The following SATB2 variants were observed in gnomAD, a reference collection of about 807,000 sequenced individuals.
SATB2 encodes the protein SATB homeobox 2, also known as DNA-binding protein SATB2.
In SATB2, 1 loss-of-function variant was observed where a neutral mutation model predicts 73.4. The ratio of observed to expected loss-of-function variants is 0.01; its 90% CI spans 0.00 to 0.06. SATB2 has a LOEUF of 0.06. Among genes scored for constraint, SATB2 ranks in the 10% least tolerant of loss-of-function variants. The probability of loss-of-function intolerance (pLI) is 1.00; values close to 1 mark genes in which losing one functional copy is unlikely to be tolerated. For synonymous variants in SATB2, 397 were observed against 367.0 expected, an observed-to-expected ratio of 1.08 and a Z score of -0.93; for missense variants, 459 against 945.8, an observed-to-expected ratio of 0.49 and a Z score of 6.75.
At chr2:199,319,583 T>A (rs755348156) in intron 9 of SATB2, among the ~76,000 whole-genome samples, 9 of 152,058 alleles carry the variant, frequency 5.9e-5, no homozygotes, top group Admixed American at 1.3e-4. Context: ...AAGTTTTTGT[T>A]CATTGGTTTA....
intron 3 of SATB2, among the ~76,000 whole-genome samples, chr2:199,402,035 C>A (rs550195549): frequency 6.6e-6 from 1 of 152,074 alleles, no homozygotes; most frequent in Non-Finnish European, 1.5e-5. Context: ...GCCACCTGGA[C>A]CAGGTAGAAG....
chr2:199,460,761 A>G (rs995665115), upstream of SATB2, among the ~76,000 whole-genome samples: 6 of 152,266 alleles, frequency 3.9e-5, no homozygotes, highest in African/African-American at 1.4e-4. This position sits in a 1 kb window ranked among gnomAD's most constrained non-coding sequence, Gnocchi z 4.0. Flanking sequence ...TTACACTCTT[A>G]TAAACAACAC....
chr2:199,469,083 A>G (rs952303360), upstream of SATB2, among the ~76,000 whole-genome samples: 4 of 152,148 alleles, frequency 2.6e-5, no homozygotes, highest in Admixed American at 6.5e-5. Flanking sequence ...GGAGGCGAGA[A>G]AGGGCCCACA....
chr2:199,416,831 T>C (rs1295335284), intron 3 of SATB2, among the ~76,000 whole-genome samples: 1 of 152,068 alleles, frequency 6.6e-6, no homozygotes, highest in African/African-American at 2.4e-5. Context: ...GGTCAGGAGA[T>C]CGAGACCATC....
intron 3 of SATB2, among the ~76,000 whole-genome samples, chr2:199,409,458 C>T (rs1176267057): frequency 6.6e-6 from 1 of 152,158 alleles, no homozygotes; most frequent in Non-Finnish European, 1.5e-5. Flanking sequence ...GCGTAAGCCA[C>T]TGCGCCCGGC....
chr2:199,324,306 C>A (rs1014357367), intron 8 of SATB2, among the ~76,000 whole-genome samples: 1 of 152,122 alleles, frequency 6.6e-6, no homozygotes, highest in East Asian at 1.9e-4. Flanking sequence ...AAATGGCACA[C>A]CTTGGAATAA....
At chr2:199,280,847 T>C (rs988443810) in intron 10 of SATB2, among the ~76,000 whole-genome samples, 3 of 152,172 alleles carry the variant, frequency 2.0e-5, no homozygotes, top group African/African-American at 7.2e-5. Context: ...CTGCCTCCAT[T>C]TACCTTGTGA....
At chr2:199,304,491 T>G (rs1187214160) in intron 10 of SATB2, among the ~76,000 whole-genome samples, 2 of 152,186 alleles carry the variant, frequency 1.3e-5, no homozygotes, top group Non-Finnish European at 2.9e-5. Flanking sequence ...AGAAGGTTTT[T>G]GGGGCATTTT....
In SATB2 at chr2:199,457,040, G is replaced by T. The variant is rs1205630643; in HGVS notation, c.-60+299C>A. Among the ~76,000 whole-genome samples the T allele has an allele frequency of 2.6e-5, 4 of 151,976 alleles. No homozygotes were observed. The highest frequency in any genetic ancestry group is 7.2e-5 in the African/African-American group (3 of 41,382). On this transcript the variant is annotated intron_variant, in intron 1 of 10. Transcript: ENST00000417098. This position sits in a 1 kb window ranked among gnomAD's most constrained non-coding sequence, Gnocchi z 4.8. ...GGCGCTCGCGTTGTCACTGACACCCGCAAGAAGCAAGACCCCGGCACCGTA... is the reference window on the plus strand; with the variant it reads ...GGCGCTCGCGTTGTCACTGACACCCTCAAGAAGCAAGACCCCGGCACCGTA...
chr2:199,409,855 A>G (rs1010353423), intron 3 of SATB2, among the ~76,000 whole-genome samples: 9 of 152,180 alleles, frequency 5.9e-5, no homozygotes, highest in African/African-American at 1.9e-4. Flanking sequence ...TTAACTTGAA[A>G]AGAGTTTCCA....
intron 2 of SATB2, among the ~76,000 whole-genome samples, chr2:199,447,713 C>G (rs1477389509): frequency 6.6e-6 from 1 of 152,164 alleles, no homozygotes; most frequent in East Asian, 1.9e-4. Flanking sequence ...ATGGGCTCCT[C>G]TTTGAACTTC....
chr2:199,448,197 A>C (rs928871311), intron 2 of SATB2, among the ~76,000 whole-genome samples: 1 of 152,232 alleles, frequency 6.6e-6, no homozygotes, highest in Non-Finnish European at 1.5e-5. Flanking sequence ...GTAAGCTATT[A>C]AATATATCAA....
chr2:199,463,245 C>G lies in SATB2; in HGVS notation c.-141+1591G>C, dbSNP rs1692520000. Among the ~76,000 whole-genome samples, 1 of 152,188 alleles carries G rather than the reference C, an allele frequency of 6.6e-6. No homozygotes were observed. The highest frequency in any genetic ancestry group is 1.5e-5 in the Non-Finnish European group (1 of 68,012). On this transcript the variant is annotated intron_variant, in intron 1 of 11. Transcript: ENST00000260926. The surrounding 1 kb of genome is among the most constrained non-coding windows in gnomAD (Gnocchi z 6.4). ...CTGCAACCACGCTGCGAGAGAATGACTGCCCTGCTAATCTAGTTTACTTGT... is the reference window on the plus strand; with the variant it reads ...CTGCAACCACGCTGCGAGAGAATGAGTGCCCTGCTAATCTAGTTTACTTGT...
At chr2:199,446,229 A>C (rs370674848) in intron 2 of SATB2, among the ~76,000 whole-genome samples, 157 of 152,328 alleles carry the variant, frequency 1.0e-3, no homozygotes, top group African/African-American at 3.6e-3. Flanking sequence ...GGTTTTATTA[A>C]AAAATTTTAC....
intron 10 of SATB2, among the ~76,000 whole-genome samples, chr2:199,282,266 T>C (rs1311275626): frequency 1.3e-5 from 2 of 152,120 alleles, no homozygotes; most frequent in Admixed American, 6.5e-5. Flanking sequence ...TATTCCTTTT[T>C]AGCAAAAGAA....
chr2:199,331,193 C>CA (rs1424703607), intron 7 of SATB2, among the ~76,000 whole-genome samples: 5 of 143,226 alleles, frequency 3.5e-5, no homozygotes, highest in East Asian at 2.1e-4. Flanking sequence ...TTTTAAAACA[C>CA]AGAGTGTTTT....
At chr2:199,357,225 G>C (rs1320031350) in intron 6 of SATB2, among the ~76,000 whole-genome samples, 1 of 152,318 alleles carries the variant, frequency 6.6e-6, no homozygotes, top group East Asian at 1.9e-4. Context: ...ACAAGTGCAC[G>C]TGGCACACGT....
At chr2:199,391,350 G>A (rs7598128) in intron 3 of SATB2, among the ~76,000 whole-genome samples, 97,955 of 149,204 alleles carry the variant, frequency 0.66, 33,756 homozygotes, top group Non-Finnish European at 0.76. Context: ...GGAGAATGGC[G>A]TGAACCCGGG....
chr2:199,339,953 T>C (rs1029723478), intron 7 of SATB2, among the ~76,000 whole-genome samples: 2 of 152,224 alleles, frequency 1.3e-5, no homozygotes, highest in African/African-American at 2.4e-5. Context: ...CTTCAAAATA[T>C]AATGTTTAGT....
Sources: allele counts gnomAD v4.1 joint callset (sites outside exome capture counted in the v4.1 genomes callset), GRCh38; gene constraint gnomAD v4.1.1; non-coding constraint Gnocchi (gnomAD v3.1); transcripts MANE v1.5; gene names NCBI Gene and HGNC (gene_info 2026-07-23, HGNC 2026-07-21).